The following SACM1L variants were observed in gnomAD, a reference collection of about 807,000 sequenced individuals.
The protein encoded by SACM1L is SAC1 like phosphatidylinositide phosphatase, also known as phosphatidylinositol-3-phosphatase SAC1.
In SACM1L, 32 loss-of-function variants were observed where a neutral mutation model predicts 89.5. The observed-to-expected ratio is 0.36, with a 90% CI of 0.27 to 0.48. The LOEUF (loss-of-function observed/expected upper bound fraction) is 0.48. SACM1L is among the 20% of genes least tolerant of loss of function. The probability of loss-of-function intolerance (pLI) is 0.99; values close to 1 mark genes in which losing one functional copy is unlikely to be tolerated. For missense variants in SACM1L, 543 were observed against 708.5 expected (o/e 0.77, Z 2.65); for synonymous variants, 213 against 232.8 (o/e 0.92, Z 0.77).
intron 18 of SACM1L, 107 bp downstream of exon 18, chr3:45,738,980 AC>A (rs1393029994): frequency 4.4e-6 from 3 of 682,536 alleles, no homozygotes; most frequent in Non-Finnish European, 7.6e-6. Context: ...ATATTTCATT[AC>A]ATGAAATATA....
rs967379861 is a variant in SACM1L at position 45,714,069 on chromosome 3, G to A, written c.567G>A (p.Val189=). 26 of 1,549,592 alleles carry A rather than the reference G, an allele frequency of 1.7e-5. No individual in the cohort carries two copies. The highest frequency in any genetic ancestry group is 2.2e-5 in the Non-Finnish European group (25 of 1,136,670). Reference sequence around the variant, plus strand: ...AGGTTCATCGGTTTGCCCTTCCAGTGTTACATGGCTGTATCCTTACATGAT... The same window carrying A: ...AGGTTCATCGGTTTGCCCTTCCAGTATTACATGGCTGTATCCTTACATGAT... ...QPEVHRFALP[V]LHGFITMHSC... The change falls in exon 7 of 20, where the codon GTG becomes GTA. Residue 189 remains valine (V), a synonymous_variant. Transcript: ENST00000389061.
At chr3:45,708,526 A>T (rs1430252027) in intron 4 of SACM1L, among the ~76,000 whole-genome samples, 1 of 152,056 alleles carries the variant, frequency 6.6e-6, no homozygotes, top group Non-Finnish European at 1.5e-5. Flanking sequence ...AGCACTGCCT[A>T]CCTGAGTAAA....
At chr3:45,706,123 A>G (rs1205662153) in intron 3 of SACM1L, among the ~76,000 whole-genome samples, 1 of 152,178 alleles carries the variant, frequency 6.6e-6, no homozygotes, top group Non-Finnish European at 1.5e-5. Flanking sequence ...AAACTTTCAG[A>G]GGGGGAACTT....
intron 11 of SACM1L, among the ~76,000 whole-genome samples, chr3:45,730,295 C>T (rs1483214237): frequency 3.3e-5 from 5 of 150,634 alleles, no homozygotes; most frequent in Admixed American, 6.6e-5. Flanking sequence ...TTTTCCCCTA[C>T]GGTTTGCTGG....
In SACM1L at chr3:45,709,737, C is replaced by T. The variant is rs80049552; in HGVS notation, c.483+90C>T. On this transcript the variant is annotated intron_variant, in intron 5 of 19. Transcript: ENST00000389061. ...CATAAAAATTTATATTGATTTTTCT[C>T]AGTCCTGGCTATCTTAGAATCATGT... The T allele has an allele frequency of 0.014, 15,971 of 1,166,650 alleles. 1,477 individuals carry two copies. In the African/African-American group the frequency reaches 0.21, roughly 15 times the overall value. The allele number at this position is 1,166,650 out of a possible 1,614,324, so 72.3% of individuals were successfully genotyped here.
At chr3:45,729,894 G>A (rs183383396) in intron 11 of SACM1L, among the ~76,000 whole-genome samples, 1 of 151,476 alleles carries the variant, frequency 6.6e-6, no homozygotes, top group African/African-American at 2.4e-5. Flanking sequence ...TCTCTTCCTG[G>A]AATTCCCATA....
chr3:45,727,374 A>C (rs1173550865), intron 11 of SACM1L, among the ~76,000 whole-genome samples: 4 of 152,068 alleles, frequency 2.6e-5, no homozygotes, highest in African/African-American at 9.7e-5. Flanking sequence ...CAGAATATAT[A>C]CTTAATGTGA....
chr3:45,700,035 T>TA (rs1301281994), intron 1 of SACM1L, among the ~76,000 whole-genome samples: 2 of 152,180 alleles, frequency 1.3e-5, no homozygotes, highest in Non-Finnish European at 2.9e-5. Flanking sequence ...TTAAAGGTCT[T>TA]ACAGGTGAGG....
intron 5 of SACM1L, among the ~76,000 whole-genome samples, chr3:45,710,631 G>T (rs140165322): frequency 1.3e-5 from 2 of 151,332 alleles, no homozygotes; most frequent in Non-Finnish European, 2.9e-5. Context: ...ACACACCTTA[G>T]AAGTGTTTAA....
At chr3:45,725,251 C>T (rs1486282537) in intron 11 of SACM1L, among the ~76,000 whole-genome samples, 1 of 152,152 alleles carries the variant, frequency 6.6e-6, no homozygotes, top group African/African-American at 2.4e-5. Flanking sequence ...GTAGCAATTG[C>T]ATTGAATTGA....
intron 5 of SACM1L, 93 bp from the exon 6 acceptor site, chr3:45,713,044 C>T: frequency 1.0e-6 from 1 of 994,576 alleles, no homozygotes; most frequent in Non-Finnish European, 1.5e-6. Context: ...TGGCTTCTAG[C>T]CATCAGAAAG....
intron 1 of SACM1L, among the ~76,000 whole-genome samples, chr3:45,694,660 CT>C (rs1698081390): frequency 6.6e-6 from 1 of 152,172 alleles, no homozygotes; most frequent in South Asian, 2.1e-4. Flanking sequence ...ATTAGGCCTA[CT>C]GAGTGAAAAT....
chr3:45,737,291 T>C, intron 14 of SACM1L: 1 of 372,676 alleles, frequency 2.7e-6, no homozygotes, highest in African/African-American at 2.1e-5. Context: ...GCTGGAATCC[T>C]ATAGCAGCTT....
intron 7 of SACM1L, among the ~76,000 whole-genome samples, chr3:45,718,348 G>A (rs987864581): frequency 2.0e-5 from 3 of 151,408 alleles, no homozygotes; most frequent in Non-Finnish European, 4.4e-5. Flanking sequence ...TTGTTTAGTG[G>A]CAAAACTAGA....
At chr3:45,718,026 C>G (rs953322055) in intron 7 of SACM1L, among the ~76,000 whole-genome samples, 2 of 152,206 alleles carry the variant, frequency 1.3e-5, no homozygotes, top group African/African-American at 4.8e-5. Flanking sequence ...CTAATAAGAT[C>G]AGATGAGGAG....
At position 45,738,590 on chromosome 3, in the gene SACM1L, A is replaced by G. The variant is rs1283209573; in HGVS notation, c.1395A>G (p.Arg465=). 1 of 1,608,752 alleles carries G rather than the reference A, an allele frequency of 6.2e-7. No individual in the cohort carries two copies. Among genetic ancestry groups the G allele is most frequent in the East Asian group, 2.2e-5 (1 of 44,794 alleles). The part of the protein sequence containing the change: ...LKTDFTRTGK[R]THLGLIMDGW... ...CCTCTTTAACCAGAACTGGAAAGAG[A>G]ACTCATTTGGGACTTATAATGGATG... is the stretch of plus-strand genomic sequence containing the variant. The change falls in exon 17 of 20, where the codon AGA becomes AGG. Residue 465 remains arginine, a synonymous_variant. Transcript: ENST00000389061.
Position 45,743,778 on chromosome 3 carries a change from C to T in SACM1L, c.*109C>T, listed in dbSNP as rs1699368651. 4 of 1,154,556 alleles carry T rather than the reference C, an allele frequency of 3.5e-6. No homozygotes were observed. The highest frequency in any genetic ancestry group is 5.0e-5 in the Admixed American group (2 of 39,816). The allele number at this position is 1,154,556 out of a possible 1,614,324, so 71.5% of individuals were successfully genotyped here. On this transcript the variant is annotated 3_prime_UTR_variant, in exon 20 of 20. Transcript: ENST00000389061. Reference sequence around the variant, plus strand: ...CCCAAGGTCTTTTTAATGCCTTTATCCAAAAGCACATCTTGTGCTCCATGC... The same window carrying T: ...CCCAAGGTCTTTTTAATGCCTTTATTCAAAAGCACATCTTGTGCTCCATGC...
At position 45,714,067 on chromosome 3, in the gene SACM1L, G is replaced by T. The variant is rs755741002; in HGVS notation, c.565G>T (p.Val189Leu). The change falls in exon 7 of 20, where the codon GTG (valine) becomes TTG (leucine). Residue 189 changes from valine to leucine, a missense_variant. Val to Leu is a conservative substitution (Grantham distance 32). Coordinates refer to ENST00000389061, the MANE Select transcript of SACM1L (RefSeq NM_014016.5). ...QPEVHRFALP[V>L]LHGFITMHSC... ...TCAGGTTCATCGGTTTGCCCTTCCAGTGTTACATGGCTGTATCCTTACATG... is the reference window on the plus strand; with the variant it reads ...TCAGGTTCATCGGTTTGCCCTTCCATTGTTACATGGCTGTATCCTTACATG... 2.3e-5 allele frequency: 36 copies of T among 1,550,784 alleles called. No individual in the cohort carries two copies. Among genetic ancestry groups the T allele is most frequent in the Admixed American group, 5.2e-5 (3 of 57,832 alleles).
Position 45,706,845 on chromosome 3 carries a change from A to G in SACM1L, c.271A>G (p.Lys91Glu). The change falls in exon 4 of 20, where the codon AAA (lysine) becomes GAA (glutamate). Residue 91 changes from lysine to glutamate, a missense_variant. Physicochemically the swap from Lys to Glu is moderately conservative, Grantham distance 56 (BLOSUM62 1). Transcript: ENST00000389061. ...TGAATTTTTCAGTCATGTAGTCTGG[A>G]AAGCAACAGATTTTGATGTCCTTTC... ...VGEFFSHVVW[K>E]ATDFDVLSYK... 6.2e-7 allele frequency: 1 copy of G among 1,613,412 alleles called. No homozygotes were observed. The highest frequency in any genetic ancestry group is 8.5e-7 in the Non-Finnish European group (1 of 1,179,472).
Sources: allele counts gnomAD v4.1 joint callset (sites outside exome capture counted in the v4.1 genomes callset), GRCh38; gene constraint gnomAD v4.1.1; transcripts MANE v1.5; gene names NCBI Gene and HGNC (gene_info 2026-07-23, HGNC 2026-07-21).